DHRS3: variants seen among roughly 807,000 people sequenced by gnomAD.
DHRS3 encodes the protein dehydrogenase/reductase 3.
A neutral mutation model predicts 27.2 loss-of-function variants in DHRS3; 14 were observed. The ratio of observed to expected loss-of-function variants is 0.52; its 90% CI spans 0.34 to 0.81. DHRS3 has a LOEUF of 0.81. Among genes scored for constraint, DHRS3 ranks in the 30% least tolerant of loss-of-function variants. DHRS3 has a pLI of 0.01. For missense variants in DHRS3, 322 were observed against 406.2 expected (o/e 0.79, Z 1.78); for synonymous variants, 165 against 175.9 (o/e 0.94, Z 0.49).
intron 1 of DHRS3, among the ~76,000 whole-genome samples, chr1:12,610,428 C>T (rs1292139714): frequency 6.6e-6 from 1 of 152,084 alleles, no homozygotes; most frequent in Non-Finnish European, 1.5e-5. Context: ...TACTAAAATG[C>T]CAGCTCTCAC....
intron 1 of DHRS3, among the ~76,000 whole-genome samples, chr1:12,588,582 T>C (rs989782600): frequency 6.6e-6 from 1 of 152,154 alleles, no homozygotes; most frequent in East Asian, 1.9e-4. Context: ...CTCCAGGGAA[T>C]CTTATTCATC....
intron 1 of DHRS3, among the ~76,000 whole-genome samples, chr1:12,589,149 T>C (rs775001934): frequency 3.6e-4 from 55 of 152,250 alleles, no homozygotes; most frequent in Middle Eastern, 6.8e-3. Flanking sequence ...AAGGTTAGAA[T>C]GGGGTGCTAG....
chr1:12,589,028 G>T (rs1006534030), intron 1 of DHRS3, among the ~76,000 whole-genome samples: 6 of 152,324 alleles, frequency 3.9e-5, no homozygotes, highest in Admixed American at 3.3e-4. Context: ...CAGCGTGGAG[G>T]GTGCACAGCT....
In DHRS3 at chr1:12,586,341, G is replaced by T. The variant is rs115125246; in HGVS notation, c.196-5675C>A. Among the ~76,000 whole-genome samples, 1 of 152,142 alleles carries T rather than the reference G, an allele frequency of 6.6e-6. No individual in the cohort carries two copies. Among genetic ancestry groups the T allele is most frequent in the East Asian group, 1.9e-4 (1 of 5,200 alleles). On this transcript the variant is annotated intron_variant, in intron 1 of 5. Coordinates refer to ENST00000616661, the MANE Select transcript of DHRS3 (RefSeq NM_004753.7). The surrounding 1 kb of genome is among the most constrained non-coding windows in gnomAD (Gnocchi z 5.0). ...GAGGCACCCCTAAGCCCCCAGGCAC[G>T]GTGGGGTCGTCTGAGCTTTGAGGGT...
At chr1:12,597,055 G>C (rs918657034) in intron 1 of DHRS3, among the ~76,000 whole-genome samples, 8 of 152,088 alleles carry the variant, frequency 5.3e-5, no homozygotes, top group African/African-American at 1.7e-4. Flanking sequence ...CCTTGTGGGG[G>C]GTGGGGAACC....
At chr1:12,609,301 G>A (rs968783346) in intron 1 of DHRS3, among the ~76,000 whole-genome samples, 6 of 152,164 alleles carry the variant, frequency 3.9e-5, no homozygotes, top group Non-Finnish European at 8.8e-5. Context: ...CGATTCCTCA[G>A]AGCCGTGTCA....
At chr1:12,600,455 G>A (rs1023825406) in intron 1 of DHRS3, 14 of 947,212 alleles carry the variant, frequency 1.5e-5, no homozygotes, top group Non-Finnish European at 1.8e-5. Flanking sequence ...TTAATTCTTT[G>A]GCATCTGAGA....
At chr1:12,579,568 T>C (rs2358737) in intron 2 of DHRS3, among the ~76,000 whole-genome samples, 156 bp from the exon 3 acceptor site, 75,234 of 152,086 alleles carry the variant, frequency 0.49, 18,898 homozygotes, top group East Asian at 0.65. Context: ...CTCCGCCTCC[T>C]GGGTTCAAGC....
Position 12,617,229 on chromosome 1 carries a change from G to C in DHRS3, c.120C>G (p.Asn40Lys), listed in dbSNP as rs754896708. The C allele has an allele frequency of 4.0e-5, 65 of 1,613,536 alleles. No homozygotes were observed. Among genetic ancestry groups the C allele is most frequent in the Non-Finnish European group, 4.9e-5 (58 of 1,179,970 alleles). The change falls in exon 1 of 6, where the codon AAC becomes AAG. Residue 40 changes from asparagine (N) to lysine (K), a missense_variant. Asn to Lys is a moderately conservative substitution (Grantham distance 94). Transcript: ENST00000616661. ...CTCTCCCGCCGCCGGTGATGAGGAC[G>C]TTCTCCCGCGACAGGTCCCGCAGCT... The part of the protein sequence containing the change: ...PAKLRDLSRE[N>K]VLITGGGRGI...
At position 12,586,699 on chromosome 1, in the gene DHRS3, G is replaced by A. The variant is rs1646699490; in HGVS notation, c.196-6033C>T. Among the ~76,000 whole-genome samples the A allele has an allele frequency of 6.6e-6, 1 of 152,206 alleles. No individual in the cohort carries two copies. The highest frequency in any genetic ancestry group is 1.5e-5 in the Non-Finnish European group (1 of 68,032). On this transcript the variant is annotated intron_variant, in intron 1 of 5. Coordinates refer to ENST00000616661, the MANE Select transcript of DHRS3 (RefSeq NM_004753.7). This position sits in a 1 kb window ranked among gnomAD's most constrained non-coding sequence, Gnocchi z 5.0. ...TCATAATTTTAAAGATAAGGAAACT[G>A]CAGTTCAGAGAGGCTAAGCAACTCG...
At position 12,593,628 on chromosome 1, in the gene DHRS3, C is replaced by G. The variant is rs1193349397; in HGVS notation, c.196-12962G>C. On this transcript the variant is annotated intron_variant, in intron 1 of 5. Coordinates refer to ENST00000616661, the MANE Select transcript of DHRS3 (RefSeq NM_004753.7). This position sits in a 1 kb window ranked among gnomAD's most constrained non-coding sequence, Gnocchi z 4.6. ...CTACCCTTCTTTGATTTCCTCCTTC[C>G]CAGTTGCTGAGACAGGCATGTCTCC... Among the ~76,000 whole-genome samples, 1 of 152,164 alleles carries G rather than the reference C, an allele frequency of 6.6e-6. No homozygotes were observed. The highest frequency in any genetic ancestry group is 1.5e-5 in the Non-Finnish European group (1 of 68,036).
chr1:12,589,122 C>G (rs1217417170), intron 1 of DHRS3, among the ~76,000 whole-genome samples: 1 of 152,240 alleles, frequency 6.6e-6, no homozygotes, highest in Non-Finnish European at 1.5e-5. Flanking sequence ...CAAGCAACAT[C>G]TAGCTTTTAA....
chr1:12,579,051 G>T, intron 3 of DHRS3, 95 bp from the exon 4 acceptor site: 1 of 1,296,792 alleles, frequency 7.7e-7, no homozygotes, highest in Non-Finnish European at 1.1e-6. Flanking sequence ...GGACACACAT[G>T]ATGCTCTAGG....
chr1:12,603,857 CCA>C lies in DHRS3; in HGVS notation c.195+13295_195+13296del, dbSNP rs1457040219. ...ACCATTGGTGGCCTTAAGCACCAAG[CCA>C]CACATCTGTACTCTCCACCCTGAGC... On this transcript the variant is annotated intron_variant, in intron 1 of 5. Transcript: ENST00000616661. 4.6e-5 allele frequency among the ~76,000 whole-genome samples: 7 copies of C among 152,328 alleles called. No homozygotes were observed. In the East Asian group the frequency reaches 1.3e-3, roughly 29 times the overall value.
chr1:12,609,404 G>C (rs1303624080), intron 1 of DHRS3, among the ~76,000 whole-genome samples: 1 of 152,138 alleles, frequency 6.6e-6, no homozygotes, highest in Non-Finnish European at 1.5e-5. Context: ...AGCCCTGAGG[G>C]CTGGGTGCCA....
chr1:12,583,493 TATCCATCCATCC>T (rs70987256), intron 1 of DHRS3, among the ~76,000 whole-genome samples: 2 of 86,786 alleles, frequency 2.3e-5, no homozygotes, highest in African/African-American at 4.9e-5. Context: ...CTCACCTACT[TATCCATCCATCC>T]ATCCATCCAT....
chr1:12,593,055 C>A lies in DHRS3; in HGVS notation c.196-12389G>T, dbSNP rs950687068. On this transcript the variant is annotated intron_variant, in intron 1 of 5. Coordinates refer to ENST00000616661, the MANE Select transcript of DHRS3 (RefSeq NM_004753.7). This position sits in a 1 kb window ranked among gnomAD's most constrained non-coding sequence, Gnocchi z 4.6. ...AAAGGTCACTTGGCTGCTACCTTTG[C>A]CCCAGGGCCCCTGCCTCAGTCTGTT... Among the ~76,000 whole-genome samples, 1 of 152,166 alleles carries A rather than the reference C, an allele frequency of 6.6e-6. No individual in the cohort carries two copies. Among genetic ancestry groups the A allele is most frequent in the Non-Finnish European group, 1.5e-5 (1 of 68,034 alleles).
chr1:12,572,422 G>A (rs1447072318), intron 5 of DHRS3, among the ~76,000 whole-genome samples: 5 of 152,078 alleles, frequency 3.3e-5, no homozygotes, highest in Admixed American at 6.6e-5. Context: ...CACCTGCCTC[G>A]GCCTCCCAAA....
intron 1 of DHRS3, among the ~76,000 whole-genome samples, chr1:12,584,323 G>A (rs970706195): frequency 6.6e-6 from 1 of 152,154 alleles, no homozygotes; most frequent in East Asian, 1.9e-4. Flanking sequence ...AGGAATGAAG[G>A]CTGTCTCCCA....
Sources: allele counts gnomAD v4.1 joint callset (sites outside exome capture counted in the v4.1 genomes callset), GRCh38; gene constraint gnomAD v4.1.1; non-coding constraint Gnocchi (gnomAD v3.1); transcripts MANE v1.5; gene names NCBI Gene and HGNC (gene_info 2026-07-23, HGNC 2026-07-21).